The following MLIP variants were observed in gnomAD, a reference collection of about 807,000 sequenced individuals.
The protein encoded by MLIP is muscular LMNA-interacting protein.
In MLIP, 79 loss-of-function variants were observed where a neutral mutation model predicts 84.8. The ratio of observed to expected loss-of-function variants is 0.93; its 90% CI spans 0.78 to 1.12. The LOEUF (loss-of-function observed/expected upper bound fraction) is 1.12. Ranked by LOEUF, MLIP falls within the 50% of genes most tolerant of loss-of-function variation. The pLI is 0.00. For synonymous variants in MLIP, 504 were observed against 463.0 expected (o/e 1.09, Z -1.14); for missense variants, 1,257 against 1,160.6 (o/e 1.08, Z -1.21).
chr6:54,088,285 A>G (rs1196843564), intron 1 of MLIP, among the ~76,000 whole-genome samples: 3 of 152,194 alleles, frequency 2.0e-5, no homozygotes, highest in African/African-American at 7.2e-5. Flanking sequence ...GGTCTGGCCT[A>G]AGTGGGAGCA....
rs565214435 is a variant in MLIP at position 54,047,126 on chromosome 6, G to T, written c.63+28035G>T. The T allele has an allele frequency of 2.0e-5, 3 of 152,252 alleles. No individual in the cohort carries two copies. In the East Asian group the frequency reaches 5.8e-4, roughly 29 times the overall value. The allele number at this position is 152,252 out of a possible 1,614,324, so 9.4% of individuals were successfully genotyped here. On this transcript the variant is annotated intron_variant, in intron 1 of 12. Coordinates refer to the MLIP transcript ENST00000274897. Reference sequence around the variant, plus strand: ...TCTTGGTCAGCGTCAAAGTTACGTGGTAGATGGATCAGAAACTTTGTTTGA... The same window carrying T: ...TCTTGGTCAGCGTCAAAGTTACGTGTTAGATGGATCAGAAACTTTGTTTGA...
intron 9 of MLIP, among the ~76,000 whole-genome samples, chr6:54,186,147 C>G (rs1193376709): frequency 3.3e-5 from 5 of 152,268 alleles, no homozygotes; most frequent in Admixed American, 6.5e-5. Flanking sequence ...CTCCTATATA[C>G]TTGGTGATAA....
At chr6:54,159,269 C>T (rs571347971) in intron 5 of MLIP, among the ~76,000 whole-genome samples, 9 of 152,052 alleles carry the variant, frequency 5.9e-5, no homozygotes, top group South Asian at 2.1e-4. Flanking sequence ...CCTTTAGTCA[C>T]GAGCCTACCC....
At position 54,045,107 on chromosome 6, in the gene MLIP, G is replaced by C. The variant is rs77128192; in HGVS notation, c.63+26016G>C. Among the ~76,000 whole-genome samples, 118 of 152,004 alleles carry C rather than the reference G, an allele frequency of 7.8e-4. 1 individual carries two copies. Among genetic ancestry groups the C allele is most frequent in the South Asian group, 7.1e-3 (34 of 4,810 alleles). The stretch of plus-strand genomic sequence containing the variant: ...CTCATGCCTGAAATCCCAGCACTTA[G>C]GGAGGCCGAGGTGGGCAGTTCACTT... On this transcript the variant is annotated intron_variant, in intron 1 of 12. Coordinates refer to the MLIP transcript ENST00000274897.
intron 1 of MLIP, among the ~76,000 whole-genome samples, chr6:54,039,363 G>T (rs1309753830): frequency 6.6e-6 from 1 of 151,906 alleles, no homozygotes; most frequent in Non-Finnish European, 1.5e-5. Flanking sequence ...AGAGGAATAA[G>T]TATGTTGGAT....
intron 1 of MLIP, among the ~76,000 whole-genome samples, chr6:54,095,599 A>G (rs1389031806): frequency 1.3e-5 from 2 of 152,076 alleles, no homozygotes; most frequent in East Asian, 1.9e-4. Context: ...GGTAAAAAAG[A>G]AGGGTACAGG....
At chr6:54,158,072 T>C (rs1380993879) in intron 5 of MLIP, among the ~76,000 whole-genome samples, 7 of 152,090 alleles carry the variant, frequency 4.6e-5, no homozygotes, top group Non-Finnish European at 1.5e-5. Flanking sequence ...CATGCCAAAA[T>C]GGCAGTTCTA....
intron 1 of MLIP, among the ~76,000 whole-genome samples, chr6:54,115,233 G>A (rs534025937): frequency 6.6e-6 from 1 of 152,104 alleles, no homozygotes; most frequent in Non-Finnish European, 1.5e-5. Context: ...AAATAGAGTA[G>A]GTAGGGGATT....
chr6:54,251,708 T>A (rs375305454), intron 12 of MLIP, among the ~76,000 whole-genome samples: 5 of 90,046 alleles, frequency 5.6e-5, no homozygotes, highest in African/African-American at 3.4e-4. Flanking sequence ...TAACATATGA[T>A]ACATATATAT....
chr6:54,160,720 T>C lies in MLIP; in HGVS notation c.2440-20T>C. Reference sequence around the variant, plus strand: ...TCTTTCCTTTTCTCTTCTTCTTTCCTTCCTTTCTTTTTTTTTCAGCATTCT... The same window carrying C: ...TCTTTCCTTTTCTCTTCTTCTTTCCCTCCTTTCTTTTTTTTTCAGCATTCT... On this transcript the variant is annotated intron_variant, in intron 7 of 13. Transcript: ENST00000502396. 6.5e-7 allele frequency: 1 copy of C among 1,549,232 alleles called. No homozygotes were observed. The highest frequency in any genetic ancestry group is 8.9e-7 in the Non-Finnish European group (1 of 1,122,218).
At chr6:54,152,229 A>T (rs964802491) in intron 5 of MLIP, among the ~76,000 whole-genome samples, 7 of 152,192 alleles carry the variant, frequency 4.6e-5, no homozygotes, top group Admixed American at 3.3e-4. Flanking sequence ...AAATGATTAT[A>T]AAGTAATCAG....
intron 2 of MLIP, among the ~76,000 whole-genome samples, chr6:54,122,981 G>T (rs900060941): frequency 1.3e-5 from 2 of 150,916 alleles, no homozygotes; most frequent in Non-Finnish European, 2.9e-5. Flanking sequence ...GCCCAGGCTA[G>T]AGTGCAGTGG....
At chr6:54,181,812 A>C (rs1407328899) in intron 9 of MLIP, among the ~76,000 whole-genome samples, 1 of 152,208 alleles carries the variant, frequency 6.6e-6, no homozygotes, top group African/African-American at 2.4e-5. Flanking sequence ...ATCATGAGCC[A>C]GGGCCTGTAA....
At chr6:54,063,228 T>G (rs2150335521) in intron 1 of MLIP, 1 of 151,144 alleles carries the variant, frequency 6.6e-6, no homozygotes. Context: ...AAGAAAAAGT[T>G]GCGGGGGAGG....
intron 2 of MLIP, among the ~76,000 whole-genome samples, chr6:54,122,937 T>G (rs934525101): frequency 7.3e-6 from 1 of 137,536 alleles, no homozygotes; most frequent in East Asian, 2.0e-4. Flanking sequence ...TTTATATTCT[T>G]TTTTTTTTTT....
At chr6:54,094,040 A>G (rs1237030160) in intron 1 of MLIP, among the ~76,000 whole-genome samples, 5 of 152,222 alleles carry the variant, frequency 3.3e-5, no homozygotes, top group Non-Finnish European at 7.3e-5. Context: ...GATTAAGAGG[A>G]TAAGAATTAC....
chr6:54,082,289 A>C (rs562559), intron 1 of MLIP, among the ~76,000 whole-genome samples: 106,644 of 152,068 alleles, frequency 0.7, 39,080 homozygotes, highest in East Asian at 0.89. Context: ...TCTTCTCATG[A>C]AAAACATCAA....
Position 54,138,298 on chromosome 6 carries a change from A to G in MLIP, c.2217+12A>G. ...ATAAGAAATCAAAGGTATTTTTTGC[A>G]TGTTGCATGGTGCATGCTTATTTTG... is the stretch of plus-strand genomic sequence containing the variant. On this transcript the variant is annotated intron_variant, in intron 4 of 13. Coordinates refer to ENST00000502396, the MANE Select transcript of MLIP (RefSeq NM_001281747.2). 1 of 1,531,012 alleles carries G rather than the reference A, an allele frequency of 6.5e-7. No homozygotes were observed. The highest frequency in any genetic ancestry group is 1.2e-5 in the South Asian group (1 of 83,634). 94.8% of individuals were successfully genotyped at this position (1,531,012 alleles called of 1,614,324 possible). A position where few individuals can be genotyped will look rare whatever the true frequency, so the allele number is the denominator to read the frequency against.
chr6:54,186,974 T>A (rs1460664497), intron 9 of MLIP, among the ~76,000 whole-genome samples: 1 of 152,172 alleles, frequency 6.6e-6, no homozygotes, highest in Non-Finnish European at 1.5e-5. Context: ...TATTGCATAA[T>A]TCTATAACCT....
Sources: gnomAD v4.1 joint callset for allele counts (sites outside exome capture counted in the v4.1 genomes callset) on GRCh38, gnomAD v4.1.1 for gene constraint, MANE v1.5 for transcripts, NCBI Gene and HGNC (gene_info 2026-07-23, HGNC 2026-07-21) for gene names.